KLHL1: variants seen among roughly 807,000 people sequenced by gnomAD.
KLHL1 encodes kelch like family member 1, also known as kelch-like protein 1.
In KLHL1, 47 loss-of-function variants were observed where a neutral mutation model predicts 77.7. The ratio of observed to expected loss-of-function variants is 0.60; its 90% CI spans 0.48 to 0.77. The LOEUF (loss-of-function observed/expected upper bound fraction) is 0.77. Ranked by LOEUF, KLHL1 falls within the 30% of genes least tolerant of loss-of-function variation. The pLI is 0.00. For synonymous variants in KLHL1, 360 were observed against 325.2 expected (o/e 1.11, Z -1.15); for missense variants, 925 against 910.8 (o/e 1.02, Z -0.20).
chr13:69,721,082 G>GGAAC (rs1873037275), intron 8 of KLHL1, among the ~76,000 whole-genome samples: 1 of 22,450 alleles, frequency 4.5e-5, no homozygotes, highest in Non-Finnish European at 1.3e-4. Flanking sequence ...TATATATAAA[G>GGAAC]CTATGTACCT....
At chr13:70,081,069 T>C (rs1173051636) in intron 1 of KLHL1, among the ~76,000 whole-genome samples, 12 of 152,144 alleles carry the variant, frequency 7.9e-5, no homozygotes, top group East Asian at 5.8e-4. Flanking sequence ...GGAAAAATTA[T>C]GCCATGTCCT....
At chr13:70,042,638 C>T (rs939998463) in intron 1 of KLHL1, among the ~76,000 whole-genome samples, 1 of 152,106 alleles carries the variant, frequency 6.6e-6, no homozygotes, top group Non-Finnish European at 1.5e-5. Flanking sequence ...ATACATAATA[C>T]TTGATAATTA....
At chr13:69,788,762 C>T (rs1303701970) in intron 7 of KLHL1, among the ~76,000 whole-genome samples, 1 of 151,934 alleles carries the variant, frequency 6.6e-6, no homozygotes, top group African/African-American at 2.4e-5. Flanking sequence ...ATACTTGGAG[C>T]TCCAGGTACA....
chr13:69,994,431 A>G (rs546740351), intron 1 of KLHL1, among the ~76,000 whole-genome samples: 1 of 152,246 alleles, frequency 6.6e-6, no homozygotes, highest in Admixed American at 6.6e-5. Flanking sequence ...CCAGGATTTT[A>G]CCAGGAGCAG....
chr13:69,771,826 T>C (rs1037537404), intron 7 of KLHL1, among the ~76,000 whole-genome samples: 5 of 152,118 alleles, frequency 3.3e-5, no homozygotes, highest in Admixed American at 3.3e-4. Flanking sequence ...GAAAAAATGG[T>C]CAAATTAGGA....
chr13:70,058,559 T>TA (rs1043266560), intron 1 of KLHL1, among the ~76,000 whole-genome samples: 4 of 152,280 alleles, frequency 2.6e-5, no homozygotes, highest in Admixed American at 2.0e-4. Flanking sequence ...GACTATTGAT[T>TA]AAAGAAATTG....
chr13:69,939,395 A>ACACG (rs1883296837), intron 4 of KLHL1, among the ~76,000 whole-genome samples: 2 of 139,856 alleles, frequency 1.4e-5, no homozygotes, highest in African/African-American at 2.8e-5. Flanking sequence ...ACACACGCAC[A>ACACG]CACATACAGG....
intron 1 of KLHL1, among the ~76,000 whole-genome samples, chr13:69,992,262 G>A (rs1038514904): frequency 1.6e-4 from 25 of 151,730 alleles, no homozygotes; most frequent in Admixed American, 1.2e-3. Context: ...CTACTCTCAG[G>A]GCTGATATTC....
At chr13:69,741,507 CT>C (rs138768197) in intron 7 of KLHL1, among the ~76,000 whole-genome samples, 288 of 152,222 alleles carry the variant, frequency 1.9e-3, no homozygotes, top group African/African-American at 6.1e-3. Flanking sequence ...CAGTTTATTA[CT>C]CATAGCAACA....
chr13:70,064,919 T>C (rs1886972808), intron 1 of KLHL1, among the ~76,000 whole-genome samples: 1 of 152,182 alleles, frequency 6.6e-6, no homozygotes, highest in African/African-American at 2.4e-5. Flanking sequence ...TTTATTTCTA[T>C]CATCTATGAA....
At chr13:69,797,033 C>G in intron 6 of KLHL1, 71 bp from the exon 7 acceptor site, 1 of 1,255,100 alleles carries the variant, frequency 8.0e-7, no homozygotes, top group Non-Finnish European at 1.1e-6. Context: ...AAGCAGGGTA[C>G]AAATTAGGAT....
At chr13:69,715,888 A>C (rs1279507406) in intron 9 of KLHL1, among the ~76,000 whole-genome samples, 1 of 152,148 alleles carries the variant, frequency 6.6e-6, no homozygotes, top group Non-Finnish European at 1.5e-5. Context: ...TGTTAATAGT[A>C]TTTAGATAAG....
chr13:69,915,618 T>G (rs1320857117), intron 4 of KLHL1, among the ~76,000 whole-genome samples: 1 of 152,062 alleles, frequency 6.6e-6, no homozygotes, highest in Non-Finnish European at 1.5e-5. Flanking sequence ...ACTTAAATGT[T>G]AGAACTGAAA....
chr13:69,915,565 T>G (rs1882400679), intron 4 of KLHL1, among the ~76,000 whole-genome samples: 1 of 152,178 alleles, frequency 6.6e-6, no homozygotes, highest in African/African-American at 2.4e-5. Flanking sequence ...ACTGGATCCC[T>G]TCCTTACACC....
intron 6 of KLHL1, among the ~76,000 whole-genome samples, chr13:69,831,322 T>C (rs1878752704): frequency 6.7e-6 from 1 of 150,010 alleles, no homozygotes. Context: ...TGATCACCTT[T>C]ACATGCACAA....
intron 10 of KLHL1, among the ~76,000 whole-genome samples, chr13:69,705,301 G>A (rs540719347): frequency 6.6e-6 from 1 of 151,648 alleles, no homozygotes; most frequent in African/African-American, 2.4e-5. Context: ...AGATACACAC[G>A]TGTATCTATA....
chr13:70,029,145 G>A (rs1886028299), intron 1 of KLHL1, among the ~76,000 whole-genome samples: 1 of 152,084 alleles, frequency 6.6e-6, no homozygotes, highest in Admixed American at 6.6e-5. Context: ...GTTTGTGGTT[G>A]GGGGACTGGT....
At chr13:70,081,908 T>C (rs1031024734) in intron 1 of KLHL1, among the ~76,000 whole-genome samples, 10 of 152,210 alleles carry the variant, frequency 6.6e-5, no homozygotes, top group African/African-American at 2.4e-4. Context: ...TTTGGATTTA[T>C]GTCCTCACTA....
At chr13:69,808,040 C>G (rs1877690718) in intron 6 of KLHL1, among the ~76,000 whole-genome samples, 1 of 152,034 alleles carries the variant, frequency 6.6e-6, no homozygotes, top group South Asian at 2.1e-4. Flanking sequence ...TCAAAGTCCA[C>G]CATAAGTTAA....
Sources: allele counts gnomAD v4.1 joint callset (sites outside exome capture counted in the v4.1 genomes callset), GRCh38; gene constraint gnomAD v4.1.1; transcripts MANE v1.5; gene names NCBI Gene and HGNC (gene_info 2026-07-23, HGNC 2026-07-21).